The following IDE variants were observed in gnomAD, a reference collection of about 807,000 sequenced individuals.
IDE encodes the protein insulin degrading enzyme, also known as insulin-degrading enzyme.
A neutral mutation model predicts 133.2 loss-of-function variants in IDE; 58 were observed. That is an observed-to-expected ratio of 0.44 (90% confidence interval 0.35 to 0.54). IDE has a LOEUF of 0.54. Ranked by LOEUF, IDE falls within the 20% of genes least tolerant of loss-of-function variation. The pLI is 0.00. For synonymous variants in IDE, 396 were observed against 421.3 expected (o/e 0.94, Z 0.73); for missense variants, 981 against 1,234.0 (o/e 0.79, Z 3.07).
intron 22 of IDE, among the ~76,000 whole-genome samples, chr10:92,459,355 C>G (rs1157440102): frequency 3.3e-5 from 5 of 152,198 alleles, no homozygotes; most frequent in African/African-American, 9.7e-5. Flanking sequence ...AAAATGTGAT[C>G]AAGCCTCATT....
intron 21 of IDE, among the ~76,000 whole-genome samples, chr10:92,463,269 C>T (rs756593108): frequency 1.3e-5 from 2 of 152,264 alleles, no homozygotes; most frequent in African/African-American, 2.4e-5. Flanking sequence ...CTTCAAGAAT[C>T]ACAGCTCTCC....
chr10:92,462,842 C>T (rs932784070), intron 21 of IDE, among the ~76,000 whole-genome samples: 3 of 152,158 alleles, frequency 2.0e-5, no homozygotes, highest in Non-Finnish European at 2.9e-5. Flanking sequence ...GCTAGGTACA[C>T]GGCAAATGCT....
chr10:92,509,553 G>A (rs572658293), intron 6 of IDE, among the ~76,000 whole-genome samples: 63 of 151,850 alleles, frequency 4.1e-4, no homozygotes, highest in Non-Finnish European at 7.5e-4. Context: ...CGATCGCGCC[G>A]CTGCACTCCA....
intron 5 of IDE, among the ~76,000 whole-genome samples, chr10:92,510,849 G>GAT (rs954222259): frequency 6.7e-6 from 1 of 149,910 alleles, no homozygotes; most frequent in Admixed American, 6.7e-5. Context: ...TCACACATAT[G>GAT]ATATATATCA....
intron 1 of IDE, among the ~76,000 whole-genome samples, chr10:92,561,317 GTCTAA>G (rs1843271629): frequency 6.6e-6 from 1 of 152,138 alleles, no homozygotes; most frequent in African/African-American, 2.4e-5. Flanking sequence ...TAGCACAGCT[GTCTAA>G]AGTAGACTTC....
chr10:92,543,124 A>C (rs926277998), intron 1 of IDE, among the ~76,000 whole-genome samples: 15 of 152,224 alleles, frequency 9.9e-5, no homozygotes, highest in African/African-American at 3.4e-4. Context: ...TGATCACGTT[A>C]ATAGTGAATT....
chr10:92,460,251 A>C (rs1244674282), intron 22 of IDE, among the ~76,000 whole-genome samples: 1 of 152,152 alleles, frequency 6.6e-6, no homozygotes, highest in Non-Finnish European at 1.5e-5. Flanking sequence ...CTCTGACCAC[A>C]ATTCAAAGGT....
At chr10:92,505,542 C>G (rs1392963620) in intron 10 of IDE, among the ~76,000 whole-genome samples, 1 of 152,128 alleles carries the variant, frequency 6.6e-6, no homozygotes, top group Non-Finnish European at 1.5e-5. Context: ...ACATGAAATC[C>G]TTTGTCCTCC....
At chr10:92,457,489 G>A (rs1845095193) in intron 22 of IDE, among the ~76,000 whole-genome samples, 1 of 147,266 alleles carries the variant, frequency 6.8e-6, no homozygotes, top group Non-Finnish European at 1.5e-5. Flanking sequence ...ATTCCACCAT[G>A]CTGCTTGGAG....
chr10:92,468,845 A>C (rs1239802207), intron 19 of IDE, 34 bp downstream of exon 19: 1 of 1,108,862 alleles, frequency 9.0e-7, no homozygotes, highest in East Asian at 2.3e-5. Context: ...ATGTCAAAAT[A>C]GTCCATTCCC....
chr10:92,503,155 C>T (rs1172023131), intron 11 of IDE, among the ~76,000 whole-genome samples: 2 of 152,036 alleles, frequency 1.3e-5, no homozygotes, highest in African/African-American at 4.8e-5. Flanking sequence ...CTAGACTGGG[C>T]ACAGTGGCTC....
At chr10:92,521,643 A>C (rs1050142063) in intron 4 of IDE, among the ~76,000 whole-genome samples, 1 of 152,062 alleles carries the variant, frequency 6.6e-6, no homozygotes, top group African/African-American at 2.4e-5. Flanking sequence ...CTAGGATTTC[A>C]AGACAAGCCT....
chr10:92,561,159 G>A (rs1011020070), intron 1 of IDE, among the ~76,000 whole-genome samples: 2 of 151,988 alleles, frequency 1.3e-5, no homozygotes, highest in Admixed American at 6.6e-5. Flanking sequence ...AGGAGGCTGA[G>A]GCAGGAGAAT....
At chr10:92,567,958 G>C (rs1156817273) in intron 1 of IDE, among the ~76,000 whole-genome samples, 1 of 152,156 alleles carries the variant, frequency 6.6e-6, no homozygotes, top group Non-Finnish European at 1.5e-5. Flanking sequence ...GTGACAGTGA[G>C]ATCCTGTCTC....
At chr10:92,515,481 G>A (rs1390772228) in intron 4 of IDE, among the ~76,000 whole-genome samples, 1 of 150,438 alleles carries the variant, frequency 6.6e-6, no homozygotes, top group African/African-American at 2.4e-5. Context: ...GGCTGGTCTC[G>A]ATCTCCTGAC....
chr10:92,559,509 C>T (rs567596370), intron 1 of IDE, among the ~76,000 whole-genome samples: 4 of 152,202 alleles, frequency 2.6e-5, no homozygotes, highest in Non-Finnish European at 5.9e-5. Context: ...TAAGTGAAAG[C>T]CAGACACAAA....
At chr10:92,513,287 G>A (rs1269843080) in intron 5 of IDE, among the ~76,000 whole-genome samples, 2 of 151,638 alleles carry the variant, frequency 1.3e-5, no homozygotes, top group South Asian at 2.1e-4. Flanking sequence ...CCACCCCCCA[G>A]GTTCAAGTGA....
At chr10:92,556,784 C>A (rs1268462655) in intron 1 of IDE, among the ~76,000 whole-genome samples, 1 of 151,488 alleles carries the variant, frequency 6.6e-6, no homozygotes, top group Non-Finnish European at 1.5e-5. Context: ...ATTAGCTGAA[C>A]ACGGTGGTGG....
At chr10:92,495,834 C>T (rs940428956) in intron 11 of IDE, among the ~76,000 whole-genome samples, 9 of 150,598 alleles carry the variant, frequency 6.0e-5, no homozygotes, top group African/African-American at 2.2e-4. Flanking sequence ...AGCTAAAGTG[C>T]TAAAGGAATT....
Sources: gnomAD v4.1 joint callset for allele counts (sites outside exome capture counted in the v4.1 genomes callset) on GRCh38, gnomAD v4.1.1 for gene constraint, MANE v1.5 for transcripts, NCBI Gene and HGNC (gene_info 2026-07-23, HGNC 2026-07-21) for gene names.